The following FGF13 variants were observed in gnomAD, a reference collection of about 807,000 sequenced individuals.
FGF13 encodes the protein fibroblast growth factor 13.
In FGF13, 2 loss-of-function variants were observed where a neutral mutation model predicts 19.5. The ratio of observed to expected loss-of-function variants is 0.10; its 90% CI spans 0.04 to 0.32. The LOEUF is 0.32. FGF13 is among the 10% of genes least tolerant of loss of function. The pLI is 1.00. For synonymous variants in FGF13, 72 were observed against 76.9 expected (o/e 0.94, Z 0.33); for missense variants, 113 against 192.7 (o/e 0.59, Z 2.45).
At position 138,978,906 on chromosome X, in the gene FGF13, T is replaced by C. The variant is rs757835251; in HGVS notation, c.-112-114256A>G. Among the ~76,000 whole-genome samples, 104 of 111,725 alleles carry C rather than the reference T, an allele frequency of 9.3e-4. 1 individual carries two copies. Among genetic ancestry groups the C allele is most frequent in the African/African-American group, 2.6e-3 (79 of 30,671 alleles). ...AACTAAATCTACAAAAATAGCAAAA[T>C]TAAGTAAATAGTAAACTATTCCAAA... On this transcript the variant is annotated intron_variant, in intron 1 of 2. Transcript: ENST00000421460.
intron 3 of FGF13, among the ~76,000 whole-genome samples, chrX:138,791,123 A>AT (rs2090739360): frequency 8.9e-6 from 1 of 112,927 alleles, no homozygotes; most frequent in African/African-American, 3.2e-5. Context: ...CCAATACAGC[A>AT]TAACAACTAT....
At chrX:138,988,709 C>A (rs905975686) in intron 1 of FGF13, among the ~76,000 whole-genome samples, 1 of 111,965 alleles carries the variant, frequency 8.9e-6, no homozygotes, top group Non-Finnish European at 1.9e-5. Context: ...GTGAATGGGA[C>A]AGTCAATCTA....
At chrX:138,699,661 A>G (rs2089928197) in intron 3 of FGF13, among the ~76,000 whole-genome samples, 1 of 112,331 alleles carries the variant, frequency 8.9e-6, no homozygotes, top group Admixed American at 9.4e-5. Flanking sequence ...AGCTTTTGCA[A>G]TACCACTATA....
intron 1 of FGF13, among the ~76,000 whole-genome samples, chrX:139,095,709 A>G (rs753168012): frequency 8.9e-6 from 1 of 112,103 alleles, no homozygotes; most frequent in Non-Finnish European, 1.9e-5. Context: ...GGAATACAGT[A>G]GATACTAAAT....
chrX:138,914,718 C>T (rs1263496348), intron 1 of FGF13, among the ~76,000 whole-genome samples: 9 of 103,326 alleles, frequency 8.7e-5, no homozygotes, highest in Admixed American at 3.2e-4. Flanking sequence ...TACAAAAAGA[C>T]CTCCCATGCT....
chrX:139,015,198 A>G (rs2092147775), intron 1 of FGF13, among the ~76,000 whole-genome samples: 1 of 111,456 alleles, frequency 9.0e-6, no homozygotes, highest in Admixed American at 9.5e-5. Context: ...TCAACATAGT[A>G]GTGGAAGTCC....
rs146436412 is a variant in FGF13, at chrX:139,193,343, C to T, written c.-113+10073G>A. 5.6e-3 allele frequency among the ~76,000 whole-genome samples: 626 copies of T among 112,077 alleles called. 7 individuals are homozygous for T. The highest frequency in any genetic ancestry group is 0.019 in the African/African-American group (595 of 30,856). The stretch of plus-strand genomic sequence containing the variant: ...TCTAAGGGCTTTTGGTATAGAGTTT[C>T]AAAGGTAAAGGAGCATTTACAGAAA... On this transcript the variant is annotated intron_variant, in intron 1 of 2. Coordinates refer to the FGF13 transcript ENST00000421460.
chrX:139,186,800 C>G (rs1185954784), intron 1 of FGF13, among the ~76,000 whole-genome samples: 2 of 111,638 alleles, frequency 1.8e-5, no homozygotes, highest in Admixed American at 9.5e-5. Context: ...GAGCTGTTCT[C>G]TCTGCTTGAA....
intron 3 of FGF13, among the ~76,000 whole-genome samples, chrX:138,757,210 C>T (rs1364991734): frequency 9.0e-6 from 1 of 110,549 alleles, no homozygotes; most frequent in Admixed American, 9.6e-5. Flanking sequence ...ATATCATGTG[C>T]ATTGATCACT....
At chrX:138,884,068 T>A (rs1222089597) in intron 1 of FGF13, among the ~76,000 whole-genome samples, 2 of 111,639 alleles carry the variant, frequency 1.8e-5, no homozygotes, top group Non-Finnish European at 3.8e-5. Context: ...ATCTGCAAAC[T>A]GGAAAAAATT....
Position 138,632,803 on chromosome X carries a change from C to T in FGF13, c.*47G>A. The T allele has an allele frequency of 8.5e-7, 1 of 1,170,806 alleles. No individual in the cohort carries two copies. Among genetic ancestry groups the T allele is most frequent in the Non-Finnish European group, 1.1e-6 (1 of 869,624 alleles). ...GGACTGCTAGAAGAATTCAACAGCA[C>T]CTGGAGGTAAGGTTCTGTTACAGAG... On this transcript the variant is annotated 3_prime_UTR_variant, in exon 5 of 5. Coordinates refer to ENST00000315930, the MANE Select transcript of FGF13 (RefSeq NM_004114.5).
At chrX:138,640,835 T>C (rs539796358) in intron 3 of FGF13, among the ~76,000 whole-genome samples, 3 of 112,166 alleles carry the variant, frequency 2.7e-5, no homozygotes, top group East Asian at 5.6e-4. Flanking sequence ...TTTTCAGCTA[T>C]AGTGCAACTG....
chrX:138,713,517 A>T (rs149745265), upstream of FGF13, among the ~76,000 whole-genome samples: 1,655 of 111,191 alleles, frequency 0.015, 37 homozygotes, highest in African/African-American at 0.051. Context: ...TTTTGTTCCT[A>T]CTCTCATTTC....
At chrX:139,097,178 C>A (rs1168948196) in intron 1 of FGF13, among the ~76,000 whole-genome samples, 2 of 112,206 alleles carry the variant, frequency 1.8e-5, no homozygotes, top group African/African-American at 6.5e-5. Flanking sequence ...TTTAAAAGTT[C>A]TATGAATGTA....
intron 1 of FGF13, among the ~76,000 whole-genome samples, chrX:139,169,632 T>C (rs937936756): frequency 2.7e-5 from 3 of 111,235 alleles, no homozygotes; most frequent in African/African-American, 9.8e-5. Flanking sequence ...CCCTGCTTTC[T>C]ACCTAGAACC....
intron 1 of FGF13, among the ~76,000 whole-genome samples, chrX:138,977,734 G>A: frequency 8.9e-6 from 1 of 111,928 alleles, no homozygotes; most frequent in Non-Finnish European, 1.9e-5. Flanking sequence ...CAGAGCTAGA[G>A]AAAAAGAGAT....
intron 1 of FGF13, among the ~76,000 whole-genome samples, chrX:138,873,559 G>C (rs2091369685): frequency 9.0e-6 from 1 of 111,529 alleles, no homozygotes. Flanking sequence ...GTCCACACTG[G>C]GAGGCAGCAC....
intron 1 of FGF13, among the ~76,000 whole-genome samples, chrX:138,905,472 C>A (rs1286610334): frequency 9.0e-6 from 1 of 111,540 alleles, no homozygotes; most frequent in Non-Finnish European, 1.9e-5. Context: ...GTTGACAGTG[C>A]ATGGGAGACC....
chrX:138,878,002 C>T (rs2091400657), intron 1 of FGF13, among the ~76,000 whole-genome samples: 1 of 111,251 alleles, frequency 9.0e-6, no homozygotes, highest in Admixed American at 9.6e-5. Context: ...TGAAGAGCTG[C>T]CAAACTATTG....
Sources: gnomAD v4.1 joint callset for allele counts (sites outside exome capture counted in the v4.1 genomes callset) on GRCh38, gnomAD v4.1.1 for gene constraint, MANE v1.5 for transcripts, NCBI Gene and HGNC (gene_info 2026-07-23, HGNC 2026-07-21) for gene names.